ATP2B2: variants seen among roughly 807,000 people sequenced by gnomAD.
ATP2B2 encodes the protein plasma membrane calcium-transporting ATPase 2.
In ATP2B2, 15 loss-of-function variants were observed where a neutral mutation model predicts 120.0. The observed-to-expected ratio is 0.12, with a 90% CI of 0.08 to 0.19. ATP2B2 has a LOEUF of 0.19. Among genes scored for constraint, ATP2B2 ranks in the 10% least tolerant of loss-of-function variants. ATP2B2 has a pLI of 1.00. For synonymous variants in ATP2B2, 694 were observed against 700.3 expected (o/e 0.99, Z 0.14); for missense variants, 1,045 against 1,719.8 (o/e 0.61, Z 6.94).
At chr3:10,652,666 T>C (rs931532799) in intron 1 of ATP2B2, among the ~76,000 whole-genome samples, 4 of 152,218 alleles carry the variant, frequency 2.6e-5, no homozygotes, top group Non-Finnish European at 4.4e-5. Flanking sequence ...CCCATGTTTG[T>C]GGCAGCATTA....
At chr3:10,337,228 G>T (rs2060142389) in intron 22 of ATP2B2, among the ~76,000 whole-genome samples, 1 of 152,214 alleles carries the variant, frequency 6.6e-6, no homozygotes, top group Non-Finnish European at 1.5e-5. Flanking sequence ...CAGAGGGGTG[G>T]GAGGTGACCC....
rs773331536 is a variant in ATP2B2, at chr3:10,359,971, G to A, written c.1812C>T (p.Ser604=). ...EKLYKVYTFN[S]VRKSMSTVIK... Reference sequence around the variant, plus strand: ...TGACAGTGCTCATGGACTTGCGCACGGAGTTGAAGGTGTACACTTTGTACA... The same window carrying A: ...TGACAGTGCTCATGGACTTGCGCACAGAGTTGAAGGTGTACACTTTGTACA... Residue 604 remains serine (S), a synonymous_variant, in exon 13 of 23, where the codon TCC becomes TCT. Transcript: ENST00000360273. The A allele has an allele frequency of 1.5e-5, 24 of 1,614,110 alleles. No homozygotes were observed. Among genetic ancestry groups the A allele is most frequent in the Middle Eastern group, 1.6e-4 (1 of 6,084 alleles).
intron 1 of ATP2B2, among the ~76,000 whole-genome samples, chr3:10,493,489 AGG>A (rs2066013377): frequency 6.6e-6 from 1 of 152,176 alleles, no homozygotes; most frequent in South Asian, 2.1e-4. Context: ...CAGACCCAGA[AGG>A]GCTTACAGGC....
chr3:10,504,345 T>C (rs879830783), intron 1 of ATP2B2, among the ~76,000 whole-genome samples: 2 of 152,150 alleles, frequency 1.3e-5, no homozygotes, highest in Non-Finnish European at 2.9e-5. Flanking sequence ...AAACGTCAGC[T>C]CTGCCTCCTC....
chr3:10,453,587 G>C (rs1015433279), intron 1 of ATP2B2, among the ~76,000 whole-genome samples: 2 of 152,146 alleles, frequency 1.3e-5, no homozygotes, highest in Non-Finnish European at 2.9e-5. Context: ...CTTAAATGAA[G>C]TGCCATATGT....
At chr3:10,659,002 T>G (rs1454591511) in intron 1 of ATP2B2, among the ~76,000 whole-genome samples, 1 of 152,108 alleles carries the variant, frequency 6.6e-6, no homozygotes, top group African/African-American at 2.4e-5. Flanking sequence ...CTAAGCTTCA[T>G]AAGTGAAGGA....
At chr3:10,476,175 A>G (rs1246090819) in intron 1 of ATP2B2, among the ~76,000 whole-genome samples, 2 of 152,210 alleles carry the variant, frequency 1.3e-5, no homozygotes, top group African/African-American at 4.8e-5. Context: ...ACTGGGAAGC[A>G]TTTGCAGGGC....
Position 10,410,895 on chromosome 3 carries a change from G to A in ATP2B2, c.200-80C>T, listed in dbSNP as rs183811779. Reference sequence around the variant, plus strand: ...TTCTGGGAATCTAGGGGCAGAAAAGGAGAAACAGAGCAAGAAACTTGCTGG... The same window carrying A: ...TTCTGGGAATCTAGGGGCAGAAAAGAAGAAACAGAGCAAGAAACTTGCTGG... On this transcript the variant is annotated intron_variant, in intron 2 of 22. Transcript: ENST00000360273. The A allele has an allele frequency of 2.1e-5, 32 of 1,515,682 alleles. 1 individual carries two copies. In the South Asian group the frequency reaches 3.0e-4, roughly 14 times the overall value. The allele number at this position is 1,515,682 out of a possible 1,614,324, so 93.9% of individuals were successfully genotyped here.
At chr3:10,539,017 C>T (rs1010620988) in intron 2 of ATP2B2, among the ~76,000 whole-genome samples, 10 of 152,212 alleles carry the variant, frequency 6.6e-5, no homozygotes, top group Non-Finnish European at 4.4e-5. Flanking sequence ...TAATAAGCAA[C>T]TTCAGCAAAG....
chr3:10,675,511 T>C (rs574534479), intron 1 of ATP2B2, among the ~76,000 whole-genome samples: 2 of 152,232 alleles, frequency 1.3e-5, no homozygotes, highest in Non-Finnish European at 2.9e-5. Context: ...AAAAACAAAT[T>C]TGAGGCTCTG....
Position 10,526,509 on chromosome 3 carries a change from T to C in ATP2B2, c.-320+7530A>G, listed in dbSNP as rs1575460044. ...CCTGGACACAGGGATTGGGAGGGCTTTTAGAGGGGTGCTGTGGGTCACGGG... is the reference window on the plus strand; with the variant it reads ...CCTGGACACAGGGATTGGGAGGGCTCTTAGAGGGGTGCTGTGGGTCACGGG... On this transcript the variant is annotated intron_variant, in intron 3 of 21. Coordinates refer to the ATP2B2 transcript ENST00000646379. Among the ~76,000 whole-genome samples, 4 of 152,186 alleles carry C rather than the reference T, an allele frequency of 2.6e-5. No individual in the cohort carries two copies. The South Asian group carries it at 8.3e-4, about 32-fold the overall frequency.
At chr3:10,331,779 G>A (rs1390770730) in intron 22 of ATP2B2, 2 of 452,998 alleles carry the variant, frequency 4.4e-6, no homozygotes, top group South Asian at 5.0e-5. Context: ...AAGGGACCTG[G>A]TGAGCGGGGT....
chr3:10,593,309 G>T (rs1385746852), intron 2 of ATP2B2, among the ~76,000 whole-genome samples: 1 of 152,204 alleles, frequency 6.6e-6, no homozygotes, highest in Non-Finnish European at 1.5e-5. Context: ...GAAAAACTGA[G>T]TCTTAGGGTG....
chr3:10,432,432 T>C (rs1259524105), intron 2 of ATP2B2, among the ~76,000 whole-genome samples: 1 of 151,912 alleles, frequency 6.6e-6, no homozygotes, highest in Admixed American at 6.6e-5. Context: ...GGAGTGGGGG[T>C]GACAGAAAAG....
chr3:10,610,502 G>C (rs1375106858), intron 2 of ATP2B2, among the ~76,000 whole-genome samples: 1 of 152,122 alleles, frequency 6.6e-6, no homozygotes, highest in Non-Finnish European at 1.5e-5. Context: ...CCAAGAATCT[G>C]CAACTAAACC....
At chr3:10,579,646 T>C (rs1376953379) in intron 2 of ATP2B2, among the ~76,000 whole-genome samples, 1 of 151,988 alleles carries the variant, frequency 6.6e-6, no homozygotes, top group Non-Finnish European at 1.5e-5. Context: ...CTGTCTCTAC[T>C]AAAAAATACA....
chr3:10,424,407 G>C (rs1428894994), intron 2 of ATP2B2, among the ~76,000 whole-genome samples: 1 of 152,184 alleles, frequency 6.6e-6, no homozygotes, highest in African/African-American at 2.4e-5. Flanking sequence ...TGTTACTCTT[G>C]AGACAGCCTT....
intron 2 of ATP2B2, among the ~76,000 whole-genome samples, chr3:10,616,455 C>G (rs193199331): frequency 3.3e-5 from 5 of 152,272 alleles, no homozygotes; most frequent in African/African-American, 1.2e-4. Flanking sequence ...ATGAATCTGT[C>G]GTTTAAGCCC....
At chr3:10,350,225 G>T (rs748105085) in intron 15 of ATP2B2, 26 bp from the exon 16 acceptor site, 7 of 1,573,938 alleles carry the variant, frequency 4.4e-6, no homozygotes, top group Non-Finnish European at 4.4e-6. Flanking sequence ...GAAGGGGGCG[G>T]GTCGGTGGGG....
Sources: allele counts gnomAD v4.1 joint callset (sites outside exome capture counted in the v4.1 genomes callset), GRCh38; gene constraint gnomAD v4.1.1; transcripts MANE v1.5; gene names NCBI Gene and HGNC (gene_info 2026-07-23, HGNC 2026-07-21).